EBF3: variants seen among roughly 807,000 people sequenced by gnomAD.
EBF3 encodes the protein transcription factor COE3.
Under a neutral mutation model 77.1 loss-of-function variants are expected in EBF3, and 18 were observed. The ratio of observed to expected loss-of-function variants is 0.23; its 90% CI spans 0.16 to 0.35. The LOEUF (loss-of-function observed/expected upper bound fraction) is 0.35, where lower values mean the gene tolerates loss of function less well. Among genes scored for constraint, EBF3 ranks in the 10% least tolerant of loss-of-function variants. The pLI, the probability that EBF3 is intolerant of heterozygous loss-of-function variation, is 1.00. For missense variants in EBF3, 558 were observed against 860.0 expected (o/e 0.65, Z 4.39); for synonymous variants, 350 against 343.5 (o/e 1.02, Z -0.21).
chr10:129,961,368 A>G (rs1388324696), intron 4 of EBF3, among the ~76,000 whole-genome samples: 1 of 152,126 alleles, frequency 6.6e-6, no homozygotes, highest in Non-Finnish European at 1.5e-5. Flanking sequence ...AAACAACCAA[A>G]TCAACAACAA....
chr10:129,842,585 G>A lies in EBF3; in HGVS notation c.1195-292C>T, dbSNP rs938936518. 4.6e-5 allele frequency among the ~76,000 whole-genome samples: 7 copies of A among 152,010 alleles called. No homozygotes were observed. Among genetic ancestry groups the A allele is most frequent in the Admixed American group, 1.3e-4 (2 of 15,248 alleles). ...TCAAGACCAGCCTGGCCAACATGGC[G>A]AAATCCCATCTCTAATGAAAATACA... is the stretch of plus-strand genomic sequence containing the variant. On this transcript the variant is annotated intron_variant, in intron 12 of 16. Transcript: ENST00000440978. This position sits in a 1 kb window ranked among gnomAD's most constrained non-coding sequence, Gnocchi z 4.4.
rs1455130921 is a variant in EBF3, at chr10:129,943,200, C to A, written c.554+14058G>T. ...CAGGCAGCTCTTCATTGGGGCCAGGCCTGACCCGGCCTTCCCAGTTGGAGG... is the reference window on the plus strand; with the variant it reads ...CAGGCAGCTCTTCATTGGGGCCAGGACTGACCCGGCCTTCCCAGTTGGAGG... On this transcript the variant is annotated intron_variant, in intron 6 of 16. Coordinates refer to ENST00000440978, the MANE Select transcript of EBF3 (RefSeq NM_001375380.1). This position sits in a 1 kb window ranked among gnomAD's most constrained non-coding sequence, Gnocchi z 8.8. Among the ~76,000 whole-genome samples, 1 of 152,220 alleles carries A rather than the reference C, an allele frequency of 6.6e-6. No individual in the cohort carries two copies. Among genetic ancestry groups the A allele is most frequent in the African/African-American group, 2.4e-5 (1 of 41,468 alleles).
At chr10:129,929,364 C>A (rs1469717319) in intron 6 of EBF3, among the ~76,000 whole-genome samples, 5 of 152,042 alleles carry the variant, frequency 3.3e-5, no homozygotes, top group Non-Finnish European at 7.4e-5. Context: ...GCCACCCACA[C>A]CCAGGTAATT....
At chr10:129,946,504 T>C (rs997097166) in intron 6 of EBF3, among the ~76,000 whole-genome samples, 3 of 152,136 alleles carry the variant, frequency 2.0e-5, no homozygotes, top group Non-Finnish European at 2.9e-5. Flanking sequence ...AAATGTCTCA[T>C]AAGCCTCGCT....
At chr10:129,941,058 G>T (rs1024890637) in intron 6 of EBF3, among the ~76,000 whole-genome samples, 1 of 152,160 alleles carries the variant, frequency 6.6e-6, no homozygotes, top group African/African-American at 2.4e-5. Flanking sequence ...GGGAGAGCCC[G>T]CCCACTCCCT....
rs1849989152 is a variant in EBF3 at position 129,840,893 on chromosome 10, A to G, written c.1512T>C (p.Pro504=). The change falls in exon 14 of 17, where the codon CCT becomes CCC. Residue 504 remains proline, a synonymous_variant. Transcript: ENST00000440978. The part of the protein sequence containing the change: ...GSGAMASLGV[P]GSPGFLNGSS... ...AGCCATTAAGAAATCCAGGCGAGCC[A>G]GGGACCCCTAGACTGGCCATGGCGC... The G allele has an allele frequency of 6.2e-7, 1 of 1,613,910 alleles. No homozygotes were observed. Among genetic ancestry groups the G allele is most frequent in the South Asian group, 1.1e-5 (1 of 91,062 alleles).
At chr10:129,884,775 T>C (rs7099600) in intron 6 of EBF3, among the ~76,000 whole-genome samples, 1,947 of 152,292 alleles carry the variant, frequency 0.013, 49 homozygotes, top group African/African-American at 0.044. Context: ...TGTAGATGTA[T>C]GAGGATTTGA....
chr10:129,946,461 C>T (rs1245036574), intron 6 of EBF3, among the ~76,000 whole-genome samples: 4 of 152,152 alleles, frequency 2.6e-5, no homozygotes, highest in East Asian at 1.9e-4. Flanking sequence ...CCGCAGGACT[C>T]GGAGCAGCCA....
In EBF3 at chr10:129,836,879, C is replaced by T. The variant is rs1849641904; in HGVS notation, c.*1064G>A. ...AAGTCCCTTAGCAACTGCAAGTGTTCATGGGAAAGTAAGTGTCAAATGAAG... is the reference window on the plus strand; with the variant it reads ...AAGTCCCTTAGCAACTGCAAGTGTTTATGGGAAAGTAAGTGTCAAATGAAG... On this transcript the variant is annotated 3_prime_UTR_variant, in exon 17 of 17. Coordinates refer to ENST00000440978, the MANE Select transcript of EBF3 (RefSeq NM_001375380.1). The T allele has an allele frequency of 6.6e-6, 1 of 152,588 alleles. No individual in the cohort carries two copies. The highest frequency in any genetic ancestry group is 1.5e-5 in the Non-Finnish European group (1 of 68,028). 9.5% of individuals were successfully genotyped at this position (152,588 alleles called of 1,614,324 possible).
chr10:129,892,353 A>T (rs951571894), intron 6 of EBF3, among the ~76,000 whole-genome samples: 2 of 152,224 alleles, frequency 1.3e-5, no homozygotes, highest in African/African-American at 4.8e-5. Context: ...AATTAATTTG[A>T]TGAACTCAAT....
rs546767225 is a variant in EBF3 at position 129,935,959 on chromosome 10, CG to C, written c.554+21298del. Among the ~76,000 whole-genome samples the C allele has an allele frequency of 1.3e-5, 2 of 151,362 alleles. No individual in the cohort carries two copies. The highest frequency in any genetic ancestry group is 4.9e-5 in the African/African-American group (2 of 40,778). On this transcript the variant is annotated intron_variant, in intron 6 of 16. Transcript: ENST00000440978. The surrounding 1 kb of genome is among the most constrained non-coding windows in gnomAD (Gnocchi z 4.2). ...GGGCCCCTCCTCCACCATCATCCAT[CG>C]GGGGGCTTCCTGAAGCTGCCCCCCC...
In EBF3 at chr10:129,885,552, G is replaced by C. The variant is rs954571124; in HGVS notation, c.555-7703C>G. 6.6e-6 allele frequency among the ~76,000 whole-genome samples: 1 copy of C among 152,160 alleles called. No homozygotes were observed. Among genetic ancestry groups the C allele is most frequent in the African/African-American group, 2.4e-5 (1 of 41,440 alleles). ...TGTGAAGTGCACTATATTTACACTA[G>C]GGTTCTTGTTTCAAGTGCCTATCTT... is the stretch of plus-strand genomic sequence containing the variant. On this transcript the variant is annotated intron_variant, in intron 6 of 16. Coordinates refer to ENST00000440978, the MANE Select transcript of EBF3 (RefSeq NM_001375380.1). The surrounding 1 kb of genome is among the most constrained non-coding windows in gnomAD (Gnocchi z 4.0).
chr10:129,853,313 T>C (rs1035777138), intron 10 of EBF3, among the ~76,000 whole-genome samples: 10 of 152,238 alleles, frequency 6.6e-5, no homozygotes, highest in Admixed American at 5.9e-4. Context: ...GCAAATTTTC[T>C]TCCTGCCTGA....
chr10:129,850,073 G>A (rs1192054396), intron 10 of EBF3, among the ~76,000 whole-genome samples: 1 of 152,216 alleles, frequency 6.6e-6, no homozygotes, highest in Non-Finnish European at 1.5e-5. Context: ...CAAGCGACTT[G>A]GTCCAAAAAG....
intron 5 of EBF3, 115 bp from the exon 6 acceptor site, chr10:129,957,441 G>A (rs1186433100): frequency 3.7e-6 from 3 of 820,732 alleles, no homozygotes; most frequent in Admixed American, 5.0e-5. Flanking sequence ...CAACTACCAA[G>A]GCAGTTTGGA....
Position 129,860,967 on chromosome 10 carries a change from T to C in EBF3, c.1039+6174A>G, listed in dbSNP as rs148372557. Among the ~76,000 whole-genome samples, 584 of 152,344 alleles carry C rather than the reference T, an allele frequency of 3.8e-3. 2 individuals are homozygous for C. The highest frequency in any genetic ancestry group is 6.8e-3 in the Non-Finnish European group (462 of 68,028). On this transcript the variant is annotated intron_variant, in intron 10 of 16. Coordinates refer to ENST00000440978, the MANE Select transcript of EBF3 (RefSeq NM_001375380.1). ...AATGGGTGTCACTGATTAGGACAAATAGTCTACTTGTGCAATAGCACAAAC... is the reference window on the plus strand; with the variant it reads ...AATGGGTGTCACTGATTAGGACAAACAGTCTACTTGTGCAATAGCACAAAC...
intron 6 of EBF3, among the ~76,000 whole-genome samples, chr10:129,906,784 A>C (rs977449500): frequency 4.6e-5 from 7 of 151,984 alleles, no homozygotes; most frequent in African/African-American, 1.7e-4. Context: ...CAAAATGTCC[A>C]GTGTATATAA....
intron 9 of EBF3, 148 bp downstream of exon 9, chr10:129,867,634 G>A: frequency 7.2e-7 from 1 of 1,384,856 alleles, no homozygotes; most frequent in Non-Finnish European, 9.7e-7. Flanking sequence ...GCCACCCACG[G>A]GAGAAGCTGC....
At chr10:129,960,075 CT>C (rs1859378562) in intron 4 of EBF3, among the ~76,000 whole-genome samples, 1 of 150,296 alleles carries the variant, frequency 6.7e-6, no homozygotes, top group Admixed American at 6.6e-5. Flanking sequence ...CCCGCCCGGG[CT>C]GGGCCTCCAC....
Sources: allele counts gnomAD v4.1 joint callset (sites outside exome capture counted in the v4.1 genomes callset), GRCh38; gene constraint gnomAD v4.1.1; non-coding constraint Gnocchi (gnomAD v3.1); transcripts MANE v1.5; gene names NCBI Gene and HGNC (gene_info 2026-07-23, HGNC 2026-07-21).